The following SERGEF variants were observed in gnomAD, a reference collection of about 807,000 sequenced individuals.
SERGEF encodes secretion regulating guanine nucleotide exchange factor, also known as secretion-regulating guanine nucleotide exchange factor.
A neutral mutation model predicts 50.0 loss-of-function variants in SERGEF; 51 were observed. The ratio of observed to expected loss-of-function variants is 1.02; its 90% CI spans 0.81 to 1.29. SERGEF has a LOEUF of 1.29. Among genes scored for constraint, SERGEF ranks in the 50% most tolerant of loss-of-function variants. SERGEF has a pLI of 0.00. For missense variants in SERGEF, 521 were observed against 557.0 expected, an observed-to-expected ratio of 0.94 and a Z score of 0.65; for synonymous variants, 205 against 212.4, an observed-to-expected ratio of 0.97 and a Z score of 0.30.
chr11:17,826,536 G>A (rs1284839574), intron 10 of SERGEF, among the ~76,000 whole-genome samples: 2 of 152,212 alleles, frequency 1.3e-5, no homozygotes, highest in African/African-American at 4.8e-5. Context: ...CGGATGGGGA[G>A]TGGGAGTTAC....
At chr11:17,953,487 C>A (rs1257105307) in intron 9 of SERGEF, among the ~76,000 whole-genome samples, 1 of 152,216 alleles carries the variant, frequency 6.6e-6, no homozygotes, top group Middle Eastern at 3.2e-3. Context: ...CCTATCTGTG[C>A]TGGCTCTGCA....
intron 10 of SERGEF, among the ~76,000 whole-genome samples, chr11:17,850,390 T>C (rs1350820960): frequency 6.6e-6 from 1 of 152,142 alleles, no homozygotes; most frequent in Non-Finnish European, 1.5e-5. Context: ...TGCCCTTTAC[T>C]CCCAACACAC....
At chr11:17,963,008 C>G (rs1853041147) in intron 8 of SERGEF, among the ~76,000 whole-genome samples, 1 of 151,568 alleles carries the variant, frequency 6.6e-6, no homozygotes, top group African/African-American at 2.4e-5. Context: ...ATGGTGAAAC[C>G]CCGTCTCTAC....
At chr11:17,814,962 C>T (rs1216750535) in intron 10 of SERGEF, among the ~76,000 whole-genome samples, 1 of 152,152 alleles carries the variant, frequency 6.6e-6, no homozygotes, top group Non-Finnish European at 1.5e-5. Flanking sequence ...GGGAGGATCG[C>T]TTGAGCCCAG....
intron 10 of SERGEF, among the ~76,000 whole-genome samples, chr11:17,789,744 T>C (rs527569440): frequency 5.3e-4 from 81 of 152,360 alleles, no homozygotes; most frequent in Non-Finnish European, 8.1e-4. Flanking sequence ...GTGAAATTTA[T>C]AAATATTTGT....
intron 9 of SERGEF, among the ~76,000 whole-genome samples, chr11:17,958,476 T>C (rs1413420930): frequency 1.3e-5 from 2 of 152,034 alleles, no homozygotes; most frequent in Admixed American, 6.6e-5. Context: ...CCTGGAGAAA[T>C]TAAGATTCCT....
At position 17,988,610 on chromosome 11, in the gene SERGEF, C is replaced by G. The variant is rs747491016; in HGVS notation, c.831G>C (p.Leu277=). ...VTAIWSGWTH[L]VAQTETGKMF... Reference sequence around the variant, plus strand: ...CTACTGTCTCACCTGTCTGAGCAACCAGGTGTGTCCATCCACTCCAGATGG... The same window carrying G: ...CTACTGTCTCACCTGTCTGAGCAACGAGGTGTGTCCATCCACTCCAGATGG... The change falls in exon 8 of 11, where the codon CTG becomes CTC. Residue 277 remains leucine (L), a synonymous_variant. Transcript: ENST00000265965. 1 of 1,614,012 alleles carries G rather than the reference C, an allele frequency of 6.2e-7. No homozygotes were observed. Among genetic ancestry groups the G allele is most frequent in the Admixed American group, 1.7e-5 (1 of 60,018 alleles).
chr11:17,974,099 T>G, intron 8 of SERGEF, among the ~76,000 whole-genome samples: 1 of 152,138 alleles, frequency 6.6e-6, no homozygotes. Flanking sequence ...CCTCATGGTA[T>G]GGAAAAGGAG....
Position 17,888,946 on chromosome 11 carries a change from G to A in SERGEF, c.1012-10702C>T, listed in dbSNP as rs1229042545. 2.0e-5 allele frequency among the ~76,000 whole-genome samples: 3 copies of A among 152,164 alleles called. No homozygotes were observed. Among genetic ancestry groups the A allele is most frequent in the Non-Finnish European group, 2.9e-5 (2 of 68,022 alleles). ...AGCCAGCCTGAAACAGCTCCCACTA[G>A]CTAAATCAGGGAGAACTTGAGCTCC... On this transcript the variant is annotated intron_variant, in intron 9 of 10. Transcript: ENST00000265965. This position sits in a 1 kb window ranked among gnomAD's most constrained non-coding sequence, Gnocchi z 4.1.
In SERGEF at chr11:17,888,863, T is replaced by G. The variant is rs924810895; in HGVS notation, c.1012-10619A>C. 5.3e-5 allele frequency among the ~76,000 whole-genome samples: 8 copies of G among 152,128 alleles called. No homozygotes were observed. The highest frequency in any genetic ancestry group is 5.2e-4 in the Admixed American group (8 of 15,272). ...AACAGTTTGAGCCTGGAACATGTAT[T>G]TGTACCACGAAGTAAGAAAGTGATA... On this transcript the variant is annotated intron_variant, in intron 9 of 10. Coordinates refer to ENST00000265965, the MANE Select transcript of SERGEF (RefSeq NM_012139.4). The surrounding 1 kb of genome is among the most constrained non-coding windows in gnomAD (Gnocchi z 4.1).
chr11:17,908,357 A>G (rs1242054719), intron 9 of SERGEF, among the ~76,000 whole-genome samples: 3 of 151,134 alleles, frequency 2.0e-5, no homozygotes, highest in African/African-American at 7.3e-5. Context: ...TTTGCCTGAA[A>G]CTCTGCCCTC....
intron 9 of SERGEF, among the ~76,000 whole-genome samples, chr11:17,924,899 GA>G (rs984218410): frequency 1.3e-5 from 2 of 152,152 alleles, no homozygotes; most frequent in African/African-American, 4.8e-5. Context: ...AATTCCAGCT[GA>G]AAACTTTGAC....
intron 1 of SERGEF, chr11:18,012,422 T>A (rs527755772): frequency 1.1e-6 from 1 of 938,284 alleles, no homozygotes; most frequent in Admixed American, 5.9e-5. Context: ...CCCCAACACA[T>A]GCAAGAACCG....
chr11:17,912,077 C>T (rs1851965396), intron 9 of SERGEF, among the ~76,000 whole-genome samples: 1 of 152,042 alleles, frequency 6.6e-6, no homozygotes, highest in African/African-American at 2.4e-5. Flanking sequence ...AAGTAAGACC[C>T]TATCCAAGAG....
intron 5 of SERGEF, among the ~76,000 whole-genome samples, chr11:17,999,325 CAAGA>C (rs1853910809): frequency 6.6e-6 from 1 of 152,172 alleles, no homozygotes; most frequent in Admixed American, 6.5e-5. Context: ...TATAGTTTTG[CAAGA>C]TACCATTAGG....
At chr11:17,943,681 T>A (rs1264588353) in intron 9 of SERGEF, among the ~76,000 whole-genome samples, 1 of 152,242 alleles carries the variant, frequency 6.6e-6, no homozygotes, top group Non-Finnish European at 1.5e-5. Context: ...TTTTCTAATA[T>A]ATTCATTTAA....
At chr11:17,993,053 G>C (rs1003027257) in intron 6 of SERGEF, 60 bp from the exon 7 acceptor site, 5 of 1,447,438 alleles carry the variant, frequency 3.5e-6, no homozygotes, top group Non-Finnish European at 3.8e-6. Context: ...TGGGCAGAGA[G>C]GGGGCACTCA....
At chr11:17,802,470 T>C (rs1849689414) in intron 10 of SERGEF, among the ~76,000 whole-genome samples, 1 of 152,188 alleles carries the variant, frequency 6.6e-6, no homozygotes, top group African/African-American at 2.4e-5. Context: ...GAGGCACATT[T>C]GTCTCAGAGT....
intron 10 of SERGEF, among the ~76,000 whole-genome samples, chr11:17,872,644 A>G (rs1349408373): frequency 6.6e-6 from 1 of 152,238 alleles, no homozygotes; most frequent in Non-Finnish European, 1.5e-5. Flanking sequence ...CTAGGAACTT[A>G]TAACTATACT....
Sources: gnomAD v4.1 joint callset for allele counts (sites outside exome capture counted in the v4.1 genomes callset) on GRCh38, gnomAD v4.1.1 for gene constraint, Gnocchi (gnomAD v3.1) non-coding constraint, MANE v1.5 for transcripts, NCBI Gene and HGNC (gene_info 2026-07-23, HGNC 2026-07-21) for gene names.